The following COMMD1 variants were observed in gnomAD, a reference collection of about 807,000 sequenced individuals.
The protein encoded by COMMD1 is copper metabolism domain containing 1.
COMMD1 carries 10 observed loss-of-function variants against 17.2 expected under a neutral mutation model. The ratio of observed to expected loss-of-function variants is 0.58; its 90% CI spans 0.36 to 0.99. The LOEUF (loss-of-function observed/expected upper bound fraction) is 0.99, where lower values mean the gene tolerates loss of function less well. Ranked by LOEUF, COMMD1 falls within the 50% of genes least tolerant of loss-of-function variation. The pLI is 0.01. For synonymous variants in COMMD1, 97 were observed against 91.6 expected (o/e 1.06, Z -0.34); for missense variants, 270 against 231.8 (o/e 1.17, Z -1.07).
At chr2:62,006,193 T>G (rs1669110658) in intron 2 of COMMD1, among the ~76,000 whole-genome samples, 1 of 71,024 alleles carries the variant, frequency 1.4e-5, no homozygotes. Context: ...TGGGGACTGT[T>G]GTGGGGTGGG....
rs1220324156 is a variant in COMMD1 at position 61,898,558 on chromosome 2, C to G, written n.119+9716C>G. ...AGAATTGGAGAAAGTAGAATGGAGA[C>G]AGAGGGCAGGTAGAGCTCATTGTAA... On this transcript the variant is annotated intron_variant and non_coding_transcript_variant, in intron 1 of 2. Transcript: ENST00000472729. Among the ~76,000 whole-genome samples the G allele has an allele frequency of 3.3e-5, 5 of 152,176 alleles. No individual in the cohort carries two copies. In the East Asian group the frequency reaches 9.6e-4, roughly 29 times the overall value.
intron 2 of COMMD1, among the ~76,000 whole-genome samples, chr2:62,097,569 T>C (rs1320370961): frequency 6.6e-6 from 1 of 152,132 alleles, no homozygotes; most frequent in Admixed American, 6.5e-5. Flanking sequence ...TCTGTGAAAA[T>C]GAGATGTGAG....
chr2:61,890,346 A>C (rs1669397065), intron 1 of COMMD1, among the ~76,000 whole-genome samples: 1 of 151,972 alleles, frequency 6.6e-6, no homozygotes, highest in South Asian at 2.1e-4. Context: ...CAGCCTCCCC[A>C]GTAGCTGGGA....
chr2:61,987,493 C>T (rs751583666), intron 1 of COMMD1, among the ~76,000 whole-genome samples: 8 of 152,116 alleles, frequency 5.3e-5, no homozygotes, highest in Admixed American at 5.2e-4. Flanking sequence ...CTTTCTATTG[C>T]CAGGCAGAGA....
intron 2 of COMMD1, chr2:62,084,968 C>T (rs1237384062): frequency 6.6e-6 from 1 of 152,150 alleles, no homozygotes; most frequent in African/African-American, 2.4e-5. Flanking sequence ...TAATTAGGGC[C>T]TTTCATCTGT....
intron 2 of COMMD1, among the ~76,000 whole-genome samples, chr2:62,109,906 A>G (rs1384786397): frequency 7.3e-6 from 1 of 136,214 alleles, no homozygotes; most frequent in African/African-American, 2.8e-5. Context: ...GTATTAATCT[A>G]CCTTATCTTG....
chr2:62,064,254 A>G (rs1210858697), intron 2 of COMMD1, among the ~76,000 whole-genome samples: 1 of 151,782 alleles, frequency 6.6e-6, no homozygotes, highest in Non-Finnish European at 1.5e-5. Flanking sequence ...GCTCACTGCA[A>G]CCTCCACCTC....
At chr2:61,947,268 T>C (rs1670931601) in intron 1 of COMMD1, among the ~76,000 whole-genome samples, 1 of 152,226 alleles carries the variant, frequency 6.6e-6, no homozygotes, top group Admixed American at 6.5e-5. Flanking sequence ...ATCTATATAT[T>C]TAATGAATAC....
intron 2 of COMMD1, among the ~76,000 whole-genome samples, chr2:62,003,400 G>C (rs866561222): frequency 1.3e-5 from 2 of 151,834 alleles, no homozygotes; most frequent in South Asian, 4.2e-4. Flanking sequence ...AATTAGCCGG[G>C]CGTGGTGGCG....
At chr2:62,003,912 G>A (rs1052980168) in intron 2 of COMMD1, among the ~76,000 whole-genome samples, 1 of 152,136 alleles carries the variant, frequency 6.6e-6, no homozygotes, top group African/African-American at 2.4e-5. Flanking sequence ...CAGATCACTT[G>A]AGGTCAGGAG....
chr2:62,055,736 G>C (rs892738476), intron 2 of COMMD1, among the ~76,000 whole-genome samples: 1 of 152,204 alleles, frequency 6.6e-6, no homozygotes, highest in East Asian at 1.9e-4. Flanking sequence ...TGATCCTAAG[G>C]ACATTTGTTT....
intron 1 of COMMD1, among the ~76,000 whole-genome samples, chr2:61,967,502 T>C (rs1001738147): frequency 6.6e-6 from 1 of 152,182 alleles, no homozygotes; most frequent in Non-Finnish European, 1.5e-5. Flanking sequence ...GATGTTGAGC[T>C]CTTGTTTACA....
chr2:62,022,259 A>C lies in COMMD1; in HGVS notation c.462+21277A>C, dbSNP rs1014013363. ...AATCGTATACAATACAGGTTTTAGG[A>C]GATTTTCTATAATGTAGTTTTTAAC... On this transcript the variant is annotated intron_variant, in intron 2 of 2. Coordinates refer to ENST00000311832, the MANE Select transcript of COMMD1 (RefSeq NM_152516.4). Among the ~76,000 whole-genome samples, 5 of 152,002 alleles carry C rather than the reference A, an allele frequency of 3.3e-5. No homozygotes were observed. In the South Asian group the frequency reaches 1.0e-3, roughly 32 times the overall value.
chr2:62,069,915 A>G (rs944890561), intron 2 of COMMD1: 2 of 152,244 alleles, frequency 1.3e-5, no homozygotes, highest in Non-Finnish European at 2.9e-5. Flanking sequence ...AAATGTGTTA[A>G]TAGCAGTAAA....
intron 2 of COMMD1, among the ~76,000 whole-genome samples, chr2:62,054,147 A>G (rs751056865): frequency 3.3e-5 from 5 of 152,236 alleles, no homozygotes; most frequent in Non-Finnish European, 5.9e-5. Context: ...CGAAACCACA[A>G]TGAGATATCA....
intron 2 of COMMD1, among the ~76,000 whole-genome samples, chr2:62,065,333 A>G (rs1445793058): frequency 1.5e-5 from 2 of 134,100 alleles, no homozygotes; most frequent in Non-Finnish European, 3.1e-5. Flanking sequence ...TTTTATATGT[A>G]CTTACTTTTT....
intron 2 of COMMD1, among the ~76,000 whole-genome samples, chr2:62,063,409 C>G (rs995737004): frequency 2.6e-5 from 4 of 151,968 alleles, no homozygotes; most frequent in Admixed American, 1.3e-4. Context: ...CCAGGATGGT[C>G]TTAATCTCCT....
chr2:62,020,648 G>A (rs1296378442), intron 2 of COMMD1, among the ~76,000 whole-genome samples: 1 of 152,152 alleles, frequency 6.6e-6, no homozygotes, highest in Non-Finnish European at 1.5e-5. Context: ...TTTGAGATAA[G>A]CCATTCTCGT....
At chr2:61,987,268 TA>T (rs1360088605) in intron 1 of COMMD1, among the ~76,000 whole-genome samples, 15 of 152,152 alleles carry the variant, frequency 9.9e-5, no homozygotes, top group Non-Finnish European at 1.6e-4. Context: ...GTCTAGGCAT[TA>T]AAGAATTAGA....
Sources: gnomAD v4.1 joint callset for allele counts (sites outside exome capture counted in the v4.1 genomes callset) on GRCh38, gnomAD v4.1.1 for gene constraint, MANE v1.5 for transcripts, NCBI Gene and HGNC (gene_info 2026-07-23, HGNC 2026-07-21) for gene names.